Variants in CCDC85A observed in about 807,000 individuals in gnomAD.
CCDC85A encodes coiled-coil domain-containing protein 85A.
A neutral mutation model predicts 50.2 loss-of-function variants in CCDC85A; 38 were observed. That is an observed-to-expected ratio of 0.76 (90% CI 0.58 to 0.99). CCDC85A has a LOEUF of 0.99. Among genes scored for constraint, CCDC85A ranks in the 50% least tolerant of loss-of-function variants. The pLI is 0.00. For missense variants in CCDC85A, 820 were observed against 742.0 expected (o/e 1.11, Z -1.22); for synonymous variants, 366 against 301.4 (o/e 1.21, Z -2.22).
intron 3 of CCDC85A, among the ~76,000 whole-genome samples, chr2:56,345,229 G>C (rs1466016506): frequency 6.6e-6 from 1 of 152,094 alleles, no homozygotes. Context: ...AAATGGCTAG[G>C]AAAGATCATG....
intron 2 of CCDC85A, among the ~76,000 whole-genome samples, chr2:56,299,252 T>A (rs1672095079): frequency 6.6e-6 from 1 of 152,142 alleles, no homozygotes; most frequent in African/African-American, 2.4e-5. Context: ...GCAGCAATAT[T>A]CTTGGGTAGC....
intron 3 of CCDC85A, among the ~76,000 whole-genome samples, chr2:56,357,655 C>CTTTTTTT (rs67738219): frequency 6.1e-5 from 7 of 114,598 alleles, no homozygotes; most frequent in South Asian, 5.8e-4. Flanking sequence ...TGTCCATTTC[C>CTTTTTTT]TTTTTTTTTT....
intron 2 of CCDC85A, among the ~76,000 whole-genome samples, chr2:56,220,500 A>T (rs1466927336): frequency 3.3e-5 from 5 of 152,090 alleles, no homozygotes; most frequent in Non-Finnish European, 7.4e-5. Context: ...AAGAAAGACA[A>T]TTGTACTTTC....
intron 2 of CCDC85A, among the ~76,000 whole-genome samples, chr2:56,226,383 T>C (rs1668542931): frequency 6.6e-6 from 1 of 152,198 alleles, no homozygotes; most frequent in African/African-American, 2.4e-5. Flanking sequence ...TCACTGAATA[T>C]ATTTTGAATG....
chr2:56,277,853 C>G (rs1306930963), intron 2 of CCDC85A, among the ~76,000 whole-genome samples: 1 of 152,210 alleles, frequency 6.6e-6, no homozygotes, highest in Non-Finnish European at 1.5e-5. Flanking sequence ...AAGATGGTGA[C>G]CCTTGTGCTG....
At chr2:56,294,940 A>C (rs1469270767) in intron 2 of CCDC85A, among the ~76,000 whole-genome samples, 1 of 152,190 alleles carries the variant, frequency 6.6e-6, no homozygotes, top group African/African-American at 2.4e-5. Context: ...AATAATTATG[A>C]CAGTGATTTT....
intron 2 of CCDC85A, among the ~76,000 whole-genome samples, chr2:56,203,305 T>C (rs1301308850): frequency 6.6e-6 from 1 of 152,118 alleles, no homozygotes; most frequent in Non-Finnish European, 1.5e-5. Flanking sequence ...GTGACTTTCA[T>C]GAGAAACAGT....
intron 5 of CCDC85A, among the ~76,000 whole-genome samples, chr2:56,380,629 A>AAAATAAAT (rs199877999): frequency 9.2e-5 from 14 of 151,560 alleles, no homozygotes; most frequent in African/African-American, 3.4e-4. Flanking sequence ...CCACAGTAAA[A>AAAATAAAT]AAATAAATAA....
chr2:56,276,812 G>A (rs1473352877), intron 2 of CCDC85A, among the ~76,000 whole-genome samples: 1 of 152,102 alleles, frequency 6.6e-6, no homozygotes, highest in Non-Finnish European at 1.5e-5. Flanking sequence ...TGTGTCATGG[G>A]GTTTATTGTA....
Position 56,384,714 on chromosome 2 carries a change from G to A in CCDC85A, c.*359G>A, listed in dbSNP as rs1386917460. 2.7e-5 allele frequency: 5 copies of A among 185,330 alleles called. No homozygotes were observed. The highest frequency in any genetic ancestry group is 9.4e-5 in the African/African-American group (4 of 42,780). The allele number at this position is 185,330 out of a possible 1,614,324, so 11.5% of individuals were successfully genotyped here. A position where few individuals can be genotyped will look rare whatever the true frequency, so the allele number is the denominator to read the frequency against. On this transcript the variant is annotated 3_prime_UTR_variant, in exon 6 of 6. Transcript: ENST00000407595. ...AAACCTGAATAGTTTTAAGAGTCCAGTGGAGCCTCAGTGTTTTGAATAGAG... is the reference window on the plus strand; with the variant it reads ...AAACCTGAATAGTTTTAAGAGTCCAATGGAGCCTCAGTGTTTTGAATAGAG...
Position 56,384,363 on chromosome 2 carries a change from T to G in CCDC85A, c.*8T>G, listed in dbSNP as rs770876815. On this transcript the variant is annotated 3_prime_UTR_variant, in exon 6 of 6. Coordinates refer to ENST00000407595, the MANE Select transcript of CCDC85A (RefSeq NM_001080433.2). ...TACAAAGGACCAATGTGAGATGCAC[T>G]CTTTTTCAAACAGGAGATCACCACT... The G allele has an allele frequency of 7.5e-6, 12 of 1,607,886 alleles. No homozygotes were observed. In the South Asian group the frequency reaches 1.3e-4, roughly 18 times the overall value.
chr2:56,217,664 TC>T (rs1668137341), intron 2 of CCDC85A, among the ~76,000 whole-genome samples: 1 of 151,808 alleles, frequency 6.6e-6, no homozygotes, highest in Admixed American at 6.6e-5. Flanking sequence ...GGCATAAATA[TC>T]TGGAATGGAA....
At chr2:56,271,623 T>G (rs889788274) in intron 2 of CCDC85A, among the ~76,000 whole-genome samples, 2 of 152,142 alleles carry the variant, frequency 1.3e-5, no homozygotes, top group African/African-American at 4.8e-5. Flanking sequence ...CTGTCAAGCT[T>G]CTCCTGATCC....
chr2:56,193,733 T>C (rs544079122), intron 2 of CCDC85A, among the ~76,000 whole-genome samples: 1 of 152,252 alleles, frequency 6.6e-6, no homozygotes, highest in Non-Finnish European at 1.5e-5. Flanking sequence ...TCTTTGGGTA[T>C]TGGTGATAAA....
chr2:56,356,914 CA>C (rs147649329), intron 3 of CCDC85A, among the ~76,000 whole-genome samples: 1 of 150,828 alleles, frequency 6.6e-6, no homozygotes, highest in Non-Finnish European at 1.5e-5. Context: ...CTAAAAAAAC[CA>C]AAAAAACAAA....
intron 2 of CCDC85A, among the ~76,000 whole-genome samples, chr2:56,331,121 C>G (rs1573276028): frequency 6.6e-6 from 1 of 152,002 alleles, no homozygotes; most frequent in African/African-American, 2.4e-5. Context: ...TGAAATAACT[C>G]AGAAACAGAA....
intron 3 of CCDC85A, among the ~76,000 whole-genome samples, chr2:56,349,990 A>G (rs1356465113): frequency 1.3e-5 from 2 of 151,816 alleles, no homozygotes; most frequent in Non-Finnish European, 2.9e-5. Flanking sequence ...GAGAAGCAAT[A>G]CTAAGGAATA....
intron 2 of CCDC85A, among the ~76,000 whole-genome samples, chr2:56,251,647 C>T (rs1669761294): frequency 6.6e-6 from 1 of 151,980 alleles, no homozygotes; most frequent in African/African-American, 2.4e-5. Context: ...TTCTTCTTTA[C>T]CTGCTCTGCC....
intron 2 of CCDC85A, among the ~76,000 whole-genome samples, chr2:56,278,474 C>A (rs1447098911): frequency 8.5e-5 from 13 of 152,186 alleles, no homozygotes; most frequent in African/African-American, 2.4e-4. Context: ...CTGAATACTT[C>A]AATCTGATAT....
Sources: gnomAD v4.1 joint callset for allele counts (sites outside exome capture counted in the v4.1 genomes callset) on GRCh38, gnomAD v4.1.1 for gene constraint, MANE v1.5 for transcripts, NCBI Gene and HGNC (gene_info 2026-07-23, HGNC 2026-07-21) for gene names.